The following PLGRKT variants were observed in gnomAD, a reference collection of about 807,000 sequenced individuals.
The protein encoded by PLGRKT is plasminogen receptor (KT).
Under a neutral mutation model 18.5 loss-of-function variants are expected in PLGRKT, and 22 were observed. That is an observed-to-expected ratio of 1.19 (90% CI 0.85 to 1.70). PLGRKT has a LOEUF of 1.70. Among genes scored for constraint, PLGRKT ranks in the 40% most tolerant of loss-of-function variants. PLGRKT has a pLI of 0.00. For missense variants in PLGRKT, 235 were observed against 174.4 expected, an observed-to-expected ratio of 1.35 and a Z score of -1.96; for synonymous variants, 72 against 52.8, an observed-to-expected ratio of 1.36 and a Z score of -1.58.
chr9:5,419,573 C>T (rs1173080385), intron 3 of PLGRKT, among the ~76,000 whole-genome samples: 3 of 152,116 alleles, frequency 2.0e-5, no homozygotes, highest in Non-Finnish European at 4.4e-5. Flanking sequence ...GACATTTCGC[C>T]AAAGCAGATA....
At chr9:5,382,440 C>T (rs1217877486) in intron 3 of PLGRKT, among the ~76,000 whole-genome samples, 2 of 151,860 alleles carry the variant, frequency 1.3e-5, no homozygotes, top group African/African-American at 2.4e-5. Context: ...GAATGAGGGG[C>T]GAGAAATGGG....
Position 5,418,562 on chromosome 9 carries a change from G to T in PLGRKT, c.81+13335C>A. ...TGGGGAGCCCTGCCTTGCAGAGGCT[G>T]CTGTCCAGCAGGGATGGTCACCACA... On this transcript the variant is annotated intron_variant, in intron 3 of 5. Coordinates refer to ENST00000223864, the MANE Select transcript of PLGRKT (RefSeq NM_018465.4). The surrounding 1 kb of genome is among the most constrained non-coding windows in gnomAD (Gnocchi z 4.2). The T allele has an allele frequency of 1.2e-6, 1 of 803,230 alleles. No individual in the cohort carries two copies. The highest frequency in any genetic ancestry group is 1.3e-5 in the South Asian group (1 of 74,954). The allele number at this position is 803,230 out of a possible 1,614,324, so 49.8% of individuals were successfully genotyped here. A position where few individuals can be genotyped will look rare whatever the true frequency, so the allele number is the denominator to read the frequency against.
At chr9:5,434,307 G>C (rs1428839859) in intron 2 of PLGRKT, among the ~76,000 whole-genome samples, 2 of 136,402 alleles carry the variant, frequency 1.5e-5, no homozygotes, top group Admixed American at 7.2e-5. Context: ...CGCCCCGTCT[G>C]GGAAGTGGGC....
rs1818926036 is a variant in PLGRKT, at chr9:5,434,759, G to T, written c.-7+1810C>A. The stretch of plus-strand genomic sequence containing the variant: ...CGCCTCTGCCCGGCCGCCCTGTCTG[G>T]GAAGTGAGGTGTGCCTCTGCCTGGC... On this transcript the variant is annotated intron_variant, in intron 2 of 5. Coordinates refer to ENST00000223864, the MANE Select transcript of PLGRKT (RefSeq NM_018465.4). Among the ~76,000 whole-genome samples, 3 of 152,120 alleles carry T rather than the reference G, an allele frequency of 2.0e-5. No individual in the cohort carries two copies. The South Asian group carries it at 6.2e-4, about 32-fold the overall frequency.
At chr9:5,403,369 G>A (rs563543478) in intron 3 of PLGRKT, among the ~76,000 whole-genome samples, 31 of 149,396 alleles carry the variant, frequency 2.1e-4, no homozygotes, top group African/African-American at 5.6e-4. Context: ...GATTACAGGC[G>A]CACGCCACCA....
intron 3 of PLGRKT, among the ~76,000 whole-genome samples, chr9:5,427,248 C>T (rs1818719503): frequency 6.6e-6 from 1 of 152,138 alleles, no homozygotes; most frequent in Non-Finnish European, 1.5e-5. Flanking sequence ...ATAGCCATCA[C>T]AGTTATCAGA....
chr9:5,363,019 G>T (rs1817300967), intron 3 of PLGRKT, among the ~76,000 whole-genome samples: 1 of 151,976 alleles, frequency 6.6e-6, no homozygotes, highest in Non-Finnish European at 1.5e-5. Flanking sequence ...GGGTGTGGAG[G>T]AAGTCTGCAA....
intron 3 of PLGRKT, among the ~76,000 whole-genome samples, chr9:5,401,079 C>G (rs2131127750): frequency 6.6e-6 from 1 of 151,920 alleles, no homozygotes; most frequent in East Asian, 1.9e-4. Flanking sequence ...AAAATAACTG[C>G]TACTGCTGGC....
At chr9:5,402,283 T>G (rs1818169190) in intron 3 of PLGRKT, among the ~76,000 whole-genome samples, 1 of 151,844 alleles carries the variant, frequency 6.6e-6, no homozygotes, top group Non-Finnish European at 1.5e-5. Context: ...CTCTGCACTC[T>G]CTGTGGACAG....
intron 3 of PLGRKT, among the ~76,000 whole-genome samples, chr9:5,371,681 G>A (rs747681728): frequency 6.6e-6 from 1 of 152,076 alleles, no homozygotes; most frequent in Non-Finnish European, 1.5e-5. Context: ...TAAAATTCTT[G>A]AAAGTCACAG....
In PLGRKT at chr9:5,387,678, T is replaced by C. The variant is rs979067037; in HGVS notation, c.82-25790A>G. On this transcript the variant is annotated intron_variant, in intron 3 of 5. Coordinates refer to ENST00000223864, the MANE Select transcript of PLGRKT (RefSeq NM_018465.4). ...GGGAGGAAGCCTCCTGCGGGGGGGC[T>C]GGGAATGATCTATCTTTTGATCTGG... Among the ~76,000 whole-genome samples, 5 of 151,646 alleles carry C rather than the reference T, an allele frequency of 3.3e-5. 1 individual carries two copies. Among genetic ancestry groups the C allele is most frequent in the African/African-American group, 1.2e-4 (5 of 41,008 alleles).
chr9:5,386,697 TCCCA>T (rs1337528178), intron 3 of PLGRKT, among the ~76,000 whole-genome samples: 6 of 151,864 alleles, frequency 4.0e-5, no homozygotes, highest in Admixed American at 3.9e-4. Flanking sequence ...TTTCTGTTCA[TCCCA>T]CCTGCTCTCT....
At chr9:5,400,082 A>C (rs1818128046) in intron 3 of PLGRKT, among the ~76,000 whole-genome samples, 1 of 151,946 alleles carries the variant, frequency 6.6e-6, no homozygotes, top group Admixed American at 6.6e-5. Context: ...TATGTGCAAA[A>C]AAAATTCACC....
chr9:5,406,506 G>A lies in PLGRKT; in HGVS notation c.81+25391C>T, dbSNP rs866899699. On this transcript the variant is annotated intron_variant, in intron 3 of 5. Coordinates refer to ENST00000223864, the MANE Select transcript of PLGRKT (RefSeq NM_018465.4). ...CCATTATCCTCAACAAACTAACGCA[G>A]GAACAGAAAACCAAACACTGCATGT... Among the ~76,000 whole-genome samples, 8 of 151,864 alleles carry A rather than the reference G, an allele frequency of 5.3e-5. No homozygotes were observed. In the South Asian group the frequency reaches 1.7e-3, roughly 32 times the overall value.
At chr9:5,383,483 G>A (rs920253637) in intron 3 of PLGRKT, among the ~76,000 whole-genome samples, 1 of 152,156 alleles carries the variant, frequency 6.6e-6, no homozygotes, top group African/African-American at 2.4e-5. Context: ...GATGATTCAA[G>A]TGCATTATAT....
chr9:5,361,689 T>A (rs1346966799), intron 4 of PLGRKT, 69 bp downstream of exon 4: 1 of 1,463,808 alleles, frequency 6.8e-7, no homozygotes, highest in Non-Finnish European at 9.3e-7. Context: ...GCCAACTTCA[T>A]AATAAAATGG....
intron 3 of PLGRKT, among the ~76,000 whole-genome samples, chr9:5,397,302 G>T (rs548018819): frequency 6.6e-6 from 1 of 151,762 alleles, no homozygotes; most frequent in Non-Finnish European, 1.5e-5. Context: ...CTTTATTCAC[G>T]CTTCTATTCA....
intron 3 of PLGRKT, among the ~76,000 whole-genome samples, chr9:5,398,615 C>T (rs1818097741): frequency 6.6e-6 from 1 of 151,726 alleles, no homozygotes; most frequent in Non-Finnish European, 1.5e-5. Flanking sequence ...GGCATTTCTT[C>T]TCCACTGCAC....
At chr9:5,429,946 G>C (rs1446644587) in intron 3 of PLGRKT, among the ~76,000 whole-genome samples, 1 of 152,138 alleles carries the variant, frequency 6.6e-6, no homozygotes, top group Non-Finnish European at 1.5e-5. Context: ...GAGGAGAGTA[G>C]CTCCCACCCT....
Sources: gnomAD v4.1 joint callset for allele counts (sites outside exome capture counted in the v4.1 genomes callset) on GRCh38, gnomAD v4.1.1 for gene constraint, Gnocchi (gnomAD v3.1) non-coding constraint, MANE v1.5 for transcripts, NCBI Gene and HGNC (gene_info 2026-07-23, HGNC 2026-07-21) for gene names.